ZNF716: variants seen among roughly 807,000 people sequenced by gnomAD.
ZNF716 encodes zinc finger protein 716.
In ZNF716, 9 loss-of-function variants were observed where a neutral mutation model predicts 13.4. The observed-to-expected ratio is 0.67, with a 90% CI of 0.41 to 1.18. The LOEUF is 1.18. Among genes scored for constraint, ZNF716 ranks in the 50% most tolerant of loss-of-function variants. The probability of loss-of-function intolerance (pLI) is 0.01; values close to 1 mark genes in which losing one functional copy is unlikely to be tolerated. For missense variants in ZNF716, 581 were observed against 576.6 expected (o/e 1.01, Z -0.08); for synonymous variants, 186 against 195.2 (o/e 0.95, Z 0.39).
intron 3 of ZNF716, 72 bp downstream of exon 3, chr7:57,463,240 A>G: frequency 6.3e-7 from 1 of 1,582,880 alleles, no homozygotes; most frequent in Non-Finnish European, 8.5e-7. Context: ...CAGTCCTTAA[A>G]ATGTGGTCTG....
chr7:57,457,683 T>A (rs1789627698), intron 1 of ZNF716, among the ~76,000 whole-genome samples: 3 of 152,180 alleles, frequency 2.0e-5, no homozygotes, highest in African/African-American at 7.2e-5. Flanking sequence ...GGTTCAGGAG[T>A]ACATGTGCAG....
chr7:57,453,032 A>G (rs1469613006), intron 1 of ZNF716, among the ~76,000 whole-genome samples: 12 of 152,126 alleles, frequency 7.9e-5, no homozygotes, highest in Admixed American at 7.9e-4. Context: ...CACTAGAATC[A>G]TCTTTACCTA....
At chr7:57,463,041 T>C (rs188788523) in intron 2 of ZNF716, 32 bp from the exon 3 acceptor site, 73 of 1,604,908 alleles carry the variant, frequency 4.5e-5, no homozygotes, top group African/African-American at 6.7e-5. Context: ...TTCAGCCAGA[T>C]TTATGTTACT....
chr7:57,452,790 C>T (rs1554321746), intron 1 of ZNF716, among the ~76,000 whole-genome samples: 1 of 152,132 alleles, frequency 6.6e-6, no homozygotes, highest in African/African-American at 2.4e-5. Context: ...GTTTCTTCAG[C>T]CACACTTAAG....
At position 57,469,247 on chromosome 7, in the gene ZNF716, T is replaced by G; in HGVS notation, c.786T>G (p.Ile262Met). 2 of 1,611,886 alleles carry G rather than the reference T, an allele frequency of 1.2e-6. No homozygotes were observed. Reference sequence around the variant, plus strand: ...CATCCCTTACTAAACATAAGAGAATTCATACTGGAGAGAAACCTTACACAT... The same window carrying G: ...CATCCCTTACTAAACATAAGAGAATGCATACTGGAGAGAAACCTTACACAT... ...WSASLTKHKR[I>M]HTGEKPYTCE... Residue 262 changes from isoleucine (I) to methionine (M), a missense_variant, in exon 4 of 4, where the codon ATT becomes ATG. Coordinates refer to ENST00000420713, the MANE Select transcript of ZNF716 (RefSeq NM_001159279.1).
intron 3 of ZNF716, among the ~76,000 whole-genome samples, chr7:57,464,058 T>G (rs1789759100): frequency 6.6e-6 from 1 of 152,000 alleles, no homozygotes; most frequent in Non-Finnish European, 1.5e-5. Flanking sequence ...TTTCAAATAG[T>G]TCTTCCCATT....
intron 1 of ZNF716, among the ~76,000 whole-genome samples, chr7:57,455,711 T>C (rs1397252840): frequency 1.3e-5 from 2 of 152,010 alleles, no homozygotes; most frequent in Non-Finnish European, 2.9e-5. Context: ...AAAGACAGGA[T>C]TTCACCATGT....
In ZNF716 at chr7:57,470,880, T is replaced by C. The variant is rs1207587644; in HGVS notation, c.*931T>C. The C allele has an allele frequency of 2.0e-5, 3 of 152,146 alleles. No individual in the cohort carries two copies. The highest frequency in any genetic ancestry group is 4.4e-5 in the Non-Finnish European group (3 of 68,026). The allele number at this position is 152,146 out of a possible 1,614,324, so 9.4% of individuals were successfully genotyped here. A position where few individuals can be genotyped will look rare whatever the true frequency, so the allele number is the denominator to read the frequency against. ...GAGAAATCATACTGGTGAAAAACTC[T>C]AGAAATGTGTTAAATGAGGTAAGTC... is the stretch of plus-strand genomic sequence containing the variant. On this transcript the variant is annotated 3_prime_UTR_variant, in exon 4 of 4. Transcript: ENST00000420713.
chr7:57,464,400 C>T (rs568552575), intron 3 of ZNF716, among the ~76,000 whole-genome samples: 6 of 152,142 alleles, frequency 3.9e-5, no homozygotes, highest in East Asian at 1.9e-4. Context: ...GGATTAAAAG[C>T]GTGAGCCACT....
chr7:57,455,571 C>G (rs782710917), intron 1 of ZNF716, among the ~76,000 whole-genome samples: 19 of 152,092 alleles, frequency 1.2e-4, no homozygotes, highest in Non-Finnish European at 2.6e-4. Context: ...GGCTGGAGTG[C>G]AGTGGCACAA....
chr7:57,450,256 G>A lies in ZNF716; in HGVS notation c.-33G>A. 1 of 1,613,796 alleles carries A rather than the reference G, an allele frequency of 6.2e-7. No individual in the cohort carries two copies. Among genetic ancestry groups the A allele is most frequent in the Non-Finnish European group, 8.5e-7 (1 of 1,179,842 alleles). ...CTCTGCTCCTGGAGGCCAAGCCTCT[G>A]TGGCCTTGTGTCCTGCAAGTATTCG... On this transcript the variant is annotated 5_prime_UTR_variant, in exon 1 of 4. It adds an upstream start codon to the 5' untranslated region. Coordinates refer to ENST00000420713, the MANE Select transcript of ZNF716 (RefSeq NM_001159279.1).
chr7:57,458,716 C>T (rs544141063), intron 1 of ZNF716, among the ~76,000 whole-genome samples: 42 of 152,268 alleles, frequency 2.8e-4, no homozygotes, highest in African/African-American at 8.4e-4. Context: ...CCACTGTGCC[C>T]GGCCCATTGA....
chr7:57,451,482 A>G (rs1181393435), intron 1 of ZNF716, among the ~76,000 whole-genome samples: 6 of 130,096 alleles, frequency 4.6e-5, no homozygotes, highest in African/African-American at 9.1e-5. Flanking sequence ...GAGCCTCGCA[A>G]TGTTGCCCAA....
At chr7:57,460,162 C>T (rs1789681376) in intron 1 of ZNF716, among the ~76,000 whole-genome samples, 1 of 151,914 alleles carries the variant, frequency 6.6e-6, no homozygotes, top group Non-Finnish European at 1.5e-5. Flanking sequence ...CCAAGGCGGG[C>T]AGATCATGAG....
rs1194964876 is a variant in ZNF716, at chr7:57,471,122, C to G, written c.*1173C>G. On this transcript the variant is annotated 3_prime_UTR_variant, in exon 4 of 4. Coordinates refer to ENST00000420713, the MANE Select transcript of ZNF716 (RefSeq NM_001159279.1). ...TCAATATCAGAAAGTTTATACTTAACAAAAGCATTATAGGCTAGATGTGGT... is the reference window on the plus strand; with the variant it reads ...TCAATATCAGAAAGTTTATACTTAAGAAAAGCATTATAGGCTAGATGTGGT... The G allele has an allele frequency of 6.6e-6, 1 of 151,922 alleles. No homozygotes were observed. The highest frequency in any genetic ancestry group is 1.5e-5 in the Non-Finnish European group (1 of 67,966). The allele number at this position is 151,922 out of a possible 1,614,324, so 9.4% of individuals were successfully genotyped here.
At chr7:57,451,914 A>G (rs868992214) in intron 1 of ZNF716, among the ~76,000 whole-genome samples, 1 of 151,628 alleles carries the variant, frequency 6.6e-6, no homozygotes, top group Admixed American at 6.6e-5. Flanking sequence ...TTACAGGCCT[A>G]CACCACCATA....
chr7:57,453,914 C>G (rs1228127513), intron 1 of ZNF716, among the ~76,000 whole-genome samples: 1 of 152,178 alleles, frequency 6.6e-6, no homozygotes, highest in Non-Finnish European at 1.5e-5. Flanking sequence ...CTCACTGCAA[C>G]CTCCGACTCC....
At chr7:57,460,631 A>G (rs1308251161) in intron 1 of ZNF716, among the ~76,000 whole-genome samples, 1 of 152,062 alleles carries the variant, frequency 6.6e-6, no homozygotes, top group Admixed American at 6.6e-5. Flanking sequence ...AATTCTCACC[A>G]CAAATTTATG....
At chr7:57,462,967 A>T in intron 2 of ZNF716, 106 bp from the exon 3 acceptor site, 1 of 1,437,570 alleles carries the variant, frequency 7.0e-7, no homozygotes, top group South Asian at 1.4e-5. Flanking sequence ...ATCAATCTTA[A>T]TTTTCTAGAA....
Sources: allele counts gnomAD v4.1 joint callset (sites outside exome capture counted in the v4.1 genomes callset), GRCh38; gene constraint gnomAD v4.1.1; transcripts MANE v1.5; gene names NCBI Gene and HGNC (gene_info 2026-07-23, HGNC 2026-07-21).